The following TDRD9 variants were observed in gnomAD, a reference collection of about 807,000 sequenced individuals.
TDRD9 encodes the protein tudor domain containing 9, also known as ATP-dependent RNA helicase TDRD9.
In TDRD9, 124 loss-of-function variants were observed where a neutral mutation model predicts 172.6. The ratio of observed to expected loss-of-function variants is 0.72; its 90% confidence interval spans 0.62 to 0.83. The LOEUF is 0.83. Ranked by LOEUF, TDRD9 falls within the 40% of genes least tolerant of loss-of-function variation. The pLI is 0.00. For synonymous variants in TDRD9, 619 were observed against 617.1 expected, an observed-to-expected ratio of 1.00 and a Z score of -0.05; for missense variants, 1,479 against 1,714.1, an observed-to-expected ratio of 0.86 and a Z score of 2.42.
chr14:103,964,513 G>A (rs1383099916), intron 3 of TDRD9, among the ~76,000 whole-genome samples: 4 of 151,832 alleles, frequency 2.6e-5, no homozygotes, highest in African/African-American at 9.7e-5. Context: ...TATTTTTTTT[G>A]TTGTTGTTTT....
intron 34 of TDRD9, among the ~76,000 whole-genome samples, chr14:104,044,137 A>G (rs1227197197): frequency 1.3e-5 from 2 of 152,248 alleles, no homozygotes; most frequent in Admixed American, 1.3e-4. Context: ...CCCGCTGGCC[A>G]CAGGGACCGC....
intron 7 of TDRD9, among the ~76,000 whole-genome samples, chr14:103,979,441 C>G (rs745373210): frequency 5.9e-5 from 9 of 152,208 alleles, no homozygotes; most frequent in Non-Finnish European, 1.3e-4. Flanking sequence ...GGCCTCTGCT[C>G]AGGGAGCTGG....
At chr14:103,942,546 C>G (rs951684682) in intron 1 of TDRD9, among the ~76,000 whole-genome samples, 1 of 152,212 alleles carries the variant, frequency 6.6e-6, no homozygotes, top group Non-Finnish European at 1.5e-5. Context: ...TGATGTGATG[C>G]TTTGCTGTGC....
intron 6 of TDRD9, 58 bp from the exon 7 acceptor site, chr14:103,975,331 G>C (rs570080287): frequency 6.5e-7 from 1 of 1,530,822 alleles, no homozygotes; most frequent in African/African-American, 1.4e-5. Flanking sequence ...AGTTTTAGAA[G>C]TATTTAATTT....
chr14:103,934,199 G>A (rs762174930), intron 1 of TDRD9, among the ~76,000 whole-genome samples: 8 of 152,106 alleles, frequency 5.3e-5, no homozygotes, highest in Non-Finnish European at 1.0e-4. Context: ...TTTTTGTAAA[G>A]ATGGTGTCTC....
intron 13 of TDRD9, among the ~76,000 whole-genome samples, chr14:104,002,991 A>G (rs966145795): frequency 1.3e-5 from 2 of 152,090 alleles, no homozygotes; most frequent in Non-Finnish European, 2.9e-5. Flanking sequence ...GGCCTCCCAA[A>G]GTGCTGGGAT....
chr14:104,012,400 A>G (rs542850483), intron 20 of TDRD9, among the ~76,000 whole-genome samples: 8 of 152,162 alleles, frequency 5.3e-5, no homozygotes, highest in South Asian at 2.1e-4. Context: ...AGTCTGCAAG[A>G]TGCTTCCTTT....
In TDRD9 at chr14:103,970,525, C is replaced by CT. The variant is rs1417302236; in HGVS notation, c.766-10dup. Reference sequence around the variant, plus strand: ...CCTGATGCCATGTGGGGGGTGCCCCCTTTTTTATTTTGTAGGTACACGAAC... The same window carrying CT: ...CCTGATGCCATGTGGGGGGTGCCCCCTTTTTTTATTTTGTAGGTACACGAAC... On this transcript the variant is annotated splice_polypyrimidine_tract_variant and intron_variant, in intron 5 of 35. Coordinates refer to ENST00000409874, the MANE Select transcript of TDRD9 (RefSeq NM_153046.3). 2 of 1,549,926 alleles carry CT rather than the reference C, an allele frequency of 1.3e-6. No homozygotes were observed. The highest frequency in any genetic ancestry group is 2.4e-5 in the East Asian group (1 of 40,898).
chr14:104,026,079 T>G lies in TDRD9; in HGVS notation c.2964T>G (p.His988Gln), dbSNP rs2035107979. 2.5e-6 allele frequency: 4 copies of G among 1,611,556 alleles called. No homozygotes were observed. Among genetic ancestry groups the G allele is most frequent in the Non-Finnish European group, 3.4e-6 (4 of 1,177,760 alleles). The change falls in exon 27 of 36, where the codon CAT becomes CAG. Residue 988 changes from histidine to glutamine, a missense_variant. Around this residue, in one of 3 missense-constraint regions of TDRD9, gnomAD observed 1,413 missense variants for 1,649.1 expected, o/e 0.86. Coordinates refer to ENST00000409874, the MANE Select transcript of TDRD9 (RefSeq NM_153046.3). ...TTGTAGATTATGGCAATAAGTCTCATGTAGATCTACATCTTTTGATGGAGA... is the reference window on the plus strand; with the variant it reads ...TTGTAGATTATGGCAATAAGTCTCAGGTAGATCTACATCTTTTGATGGAGA... ...VFFVDYGNKS[H>Q]VDLHLLMEIP...
chr14:103,985,107 G>C (rs956446196), intron 7 of TDRD9, among the ~76,000 whole-genome samples: 1 of 152,114 alleles, frequency 6.6e-6, no homozygotes, highest in African/African-American at 2.4e-5. Context: ...TTTGCTTTGA[G>C]ACTTGGGACT....
chr14:104,021,664 G>A (rs1424904451), intron 23 of TDRD9, among the ~76,000 whole-genome samples: 1 of 152,052 alleles, frequency 6.6e-6, no homozygotes, highest in African/African-American at 2.4e-5. Context: ...CTGCACTGGC[G>A]ACAGAGCGAG....
intron 22 of TDRD9, among the ~76,000 whole-genome samples, chr14:104,017,089 A>G (rs2034815473): frequency 6.6e-6 from 1 of 152,000 alleles, no homozygotes; most frequent in South Asian, 2.1e-4. Flanking sequence ...CCTGCTGGCC[A>G]TCAGGTTTGA....
intron 19 of TDRD9, 98 bp downstream of exon 19, chr14:104,007,302 C>T: frequency 8.4e-7 from 1 of 1,188,840 alleles, no homozygotes; most frequent in Non-Finnish European, 1.2e-6. Flanking sequence ...ATGACGGTGC[C>T]ACCTGCGGCT....
chr14:103,960,141 G>T (rs75456343), intron 2 of TDRD9, among the ~76,000 whole-genome samples: 3,524 of 152,194 alleles, frequency 0.023, 78 homozygotes, highest in East Asian at 0.071. Context: ...TTATCTATTT[G>T]GAAGATTTAA....
intron 7 of TDRD9, among the ~76,000 whole-genome samples, chr14:103,978,644 C>T (rs536675163): frequency 1.2e-3 from 190 of 152,252 alleles, no homozygotes; most frequent in Non-Finnish European, 2.1e-3. Context: ...TGGTCTTTGA[C>T]TGATGTTTTT....
chr14:104,034,141 C>A, intron 31 of TDRD9, 72 bp downstream of exon 31: 11 of 721,722 alleles, frequency 1.5e-5, no homozygotes, highest in Non-Finnish European at 2.4e-5. Context: ...CTAGGAACAA[C>A]TTATCCTATA....
intron 6 of TDRD9, among the ~76,000 whole-genome samples, chr14:103,975,084 T>C (rs904362969): frequency 6.6e-6 from 1 of 152,138 alleles, no homozygotes; most frequent in African/African-American, 2.4e-5. Flanking sequence ...ACCTGGGCCT[T>C]ATTCTTTTTT....
At chr14:103,958,797 G>T (rs552000953) in intron 2 of TDRD9, among the ~76,000 whole-genome samples, 118 of 152,290 alleles carry the variant, frequency 7.7e-4, no homozygotes, top group African/African-American at 2.7e-3. Context: ...AACTGTAAGA[G>T]AATAAATGCA....
intron 22 of TDRD9, among the ~76,000 whole-genome samples, chr14:104,017,692 G>A (rs372660722): frequency 6.6e-6 from 1 of 152,084 alleles, no homozygotes; most frequent in African/African-American, 2.4e-5. Context: ...CCACTGTGGT[G>A]ATGAGGAAAT....
Sources: gnomAD v4.1 joint callset for allele counts (sites outside exome capture counted in the v4.1 genomes callset) on GRCh38, gnomAD v4.1.1 for gene constraint, gnomAD v4.1.1 regional missense constraint, MANE v1.5 for transcripts, NCBI Gene and HGNC (gene_info 2026-07-23, HGNC 2026-07-21) for gene names.